Variants in ARFGEF1 observed in about 807,000 individuals in gnomAD.
The protein encoded by ARFGEF1 is brefeldin A-inhibited guanine nucleotide-exchange protein 1.
ARFGEF1 carries 42 observed loss-of-function variants against 231.0 expected under a neutral mutation model. The ratio of observed to expected loss-of-function variants is 0.18; its 90% CI spans 0.14 to 0.24. ARFGEF1 has a LOEUF of 0.24. ARFGEF1 is among the 10% of genes least tolerant of loss of function. The pLI, the probability that ARFGEF1 is intolerant of heterozygous loss-of-function variation, is 1.00. For missense variants in ARFGEF1, 1,345 were observed against 2,192.0 expected (o/e 0.61, Z 7.72); for synonymous variants, 710 against 732.3 (o/e 0.97, Z 0.49).
chr8:67,343,331 C>A lies in ARFGEF1; in HGVS notation c.-44G>T. On this transcript the variant is annotated 5_prime_UTR_variant, in exon 1 of 39. Coordinates refer to ENST00000262215, the MANE Select transcript of ARFGEF1 (RefSeq NM_006421.5). ...GGCGGCTCGTCCGACCCGCGGCTCC[C>A]AGCGGCTGGAGGGGAGGAGGAGGAG... 1 of 1,603,230 alleles carries A rather than the reference C, an allele frequency of 6.2e-7. No individual in the cohort carries two copies. Among genetic ancestry groups the A allele is most frequent in the South Asian group, 1.1e-5 (1 of 90,422 alleles).
chr8:67,234,296 C>A (rs1245931276), intron 22 of ARFGEF1, among the ~76,000 whole-genome samples: 1 of 152,108 alleles, frequency 6.6e-6, no homozygotes, highest in Non-Finnish European at 1.5e-5. Context: ...AACTTCAATG[C>A]AATGTAATGA....
At chr8:67,330,882 C>T (rs1444647337) in intron 1 of ARFGEF1, among the ~76,000 whole-genome samples, 2 of 152,032 alleles carry the variant, frequency 1.3e-5, no homozygotes, top group Admixed American at 6.6e-5. Context: ...AGCATGGGGA[C>T]CCAACAAATT....
intron 25 of ARFGEF1, 31 bp from the exon 26 acceptor site, chr8:67,227,629 ATTAAT>A (rs1839418664): frequency 1.3e-6 from 2 of 1,597,526 alleles, no homozygotes; most frequent in African/African-American, 2.7e-5. Context: ...AACGATGCTA[ATTAAT>A]ATCAGCAGTA....
chr8:67,232,993 G>A, intron 22 of ARFGEF1, 48 bp from the exon 23 acceptor site: 2 of 1,427,628 alleles, frequency 1.4e-6, no homozygotes, highest in Non-Finnish European at 2.0e-6. Flanking sequence ...TAATTCAGTA[G>A]AAGAATACAC....
chr8:67,253,404 T>A (rs1428582628), intron 18 of ARFGEF1, 47 bp downstream of exon 18: 2 of 1,369,244 alleles, frequency 1.5e-6, no homozygotes, highest in African/African-American at 2.9e-5. Flanking sequence ...TAGGAACCCA[T>A]ATTTTTCCCC....
At chr8:67,331,168 G>A (rs976922648) in intron 1 of ARFGEF1, among the ~76,000 whole-genome samples, 5 of 152,154 alleles carry the variant, frequency 3.3e-5, no homozygotes, top group African/African-American at 7.2e-5. Context: ...ATGATGTGAT[G>A]TTTTAAAATT....
chr8:67,311,237 T>G (rs1587286960), intron 1 of ARFGEF1, among the ~76,000 whole-genome samples: 4 of 110,814 alleles, frequency 3.6e-5, no homozygotes, highest in Admixed American at 1.8e-4. Context: ...GGGAGGGAGG[T>G]GGGGAGGTCA....
At chr8:67,297,605 T>A (rs1178181085) in intron 4 of ARFGEF1, among the ~76,000 whole-genome samples, 1 of 152,086 alleles carries the variant, frequency 6.6e-6, no homozygotes. Flanking sequence ...CTAAGGCAAA[T>A]ATTTCAATAA....
chr8:67,199,186 T>C, intron 38 of ARFGEF1, 88 bp from the exon 39 acceptor site: 1 of 1,471,200 alleles, frequency 6.8e-7, no homozygotes, highest in South Asian at 1.3e-5. Flanking sequence ...TGGGGCTCCA[T>C]CACAGGAGCC....
chr8:67,297,096 T>C (rs1384002959), intron 4 of ARFGEF1, among the ~76,000 whole-genome samples: 2 of 152,238 alleles, frequency 1.3e-5, no homozygotes, highest in African/African-American at 4.8e-5. Flanking sequence ...ACTGTTAAAA[T>C]ATTTGATGTT....
chr8:67,205,993 G>A (rs187883561), intron 34 of ARFGEF1, among the ~76,000 whole-genome samples: 138 of 152,220 alleles, frequency 9.1e-4, no homozygotes, highest in Middle Eastern at 6.8e-3. Context: ...CCAAGACTCC[G>A]GATTAACCTA....
chr8:67,205,277 T>C (rs1838472270), intron 34 of ARFGEF1, among the ~76,000 whole-genome samples: 1 of 152,198 alleles, frequency 6.6e-6, no homozygotes, highest in South Asian at 2.1e-4. Flanking sequence ...CTGGAAAGCT[T>C]CCTGCCAAAG....
chr8:67,328,436 ATTT>A (rs1001631019), intron 1 of ARFGEF1, among the ~76,000 whole-genome samples: 2 of 151,668 alleles, frequency 1.3e-5, no homozygotes, highest in African/African-American at 4.8e-5. Flanking sequence ...ACACACAAGT[ATTT>A]TTTAGTGCAG....
At chr8:67,257,644 C>T (rs1840503750) in intron 17 of ARFGEF1, 88 bp downstream of exon 17, 2 of 1,129,124 alleles carry the variant, frequency 1.8e-6, no homozygotes, top group East Asian at 2.5e-5. Flanking sequence ...CTGAATAAAA[C>T]TAAAATTTCA....
chr8:67,275,859 A>T lies in ARFGEF1; in HGVS notation c.1337+117T>A, dbSNP rs1587192700. 6 of 1,271,012 alleles carry T rather than the reference A, an allele frequency of 4.7e-6. No homozygotes were observed. The South Asian group carries it at 5.9e-5, about 12-fold the overall frequency. 78.7% of individuals were successfully genotyped at this position (1,271,012 alleles called of 1,614,324 possible). ...ACGTAAAATACCTCCCCTCCACCCA[A>T]TTTTTTTTTATGGTTCTATAGGACA... On this transcript the variant is annotated intron_variant, in intron 9 of 38. Transcript: ENST00000262215.
chr8:67,195,793 T>G, downstream of ARFGEF1: 1 of 544,810 alleles, frequency 1.8e-6, no homozygotes, highest in East Asian at 3.2e-5. Flanking sequence ...TAGAATTGTA[T>G]AGATTATTTT....
chr8:67,219,005 C>T (rs767121905), intron 30 of ARFGEF1, among the ~76,000 whole-genome samples: 2 of 152,110 alleles, frequency 1.3e-5, no homozygotes, highest in Non-Finnish European at 2.9e-5. Context: ...TTTTGCTCGT[C>T]GCCCAGGCTG....
intron 1 of ARFGEF1, among the ~76,000 whole-genome samples, chr8:67,324,915 C>T (rs1807760016): frequency 7.0e-6 from 1 of 143,618 alleles, no homozygotes; most frequent in South Asian, 2.2e-4. Context: ...AAAAAATCCA[C>T]TTTTTTTTTT....
Position 67,343,565 on chromosome 8 carries a change from G to T in ARFGEF1, c.-278C>A. On this transcript the variant is annotated 5_prime_UTR_variant, in exon 1 of 39. Coordinates refer to ENST00000262215, the MANE Select transcript of ARFGEF1 (RefSeq NM_006421.5). ...TCTCCCGGCCCGGGGGTCGCGTCCC[G>T]GCCGCCCCTCTCACTCGTCCCTCCG... 2 of 1,122,966 alleles carry T rather than the reference G, an allele frequency of 1.8e-6. No individual in the cohort carries two copies. The highest frequency in any genetic ancestry group is 2.2e-6 in the Non-Finnish European group (2 of 917,392). 69.6% of individuals were successfully genotyped at this position (1,122,966 alleles called of 1,614,324 possible).
Sources: gnomAD v4.1 joint callset for allele counts (sites outside exome capture counted in the v4.1 genomes callset) on GRCh38, gnomAD v4.1.1 for gene constraint, MANE v1.5 for transcripts, NCBI Gene and HGNC (gene_info 2026-07-23, HGNC 2026-07-21) for gene names.